CHSY3: variants seen among roughly 807,000 people sequenced by gnomAD.
CHSY3 encodes the protein chondroitin sulfate synthase 3.
A neutral mutation model predicts 67.2 loss-of-function variants in CHSY3; 35 were observed. The ratio of observed to expected loss-of-function variants is 0.52; its 90% CI spans 0.40 to 0.69. CHSY3 has a LOEUF of 0.69. CHSY3 is among the 30% of genes least tolerant of loss of function. The pLI, the probability that CHSY3 is intolerant of heterozygous loss-of-function variation, is 0.00. For synonymous variants in CHSY3, 474 were observed against 434.7 expected, an observed-to-expected ratio of 1.09 and a Z score of -1.12; for missense variants, 1,069 against 1,138.5, an observed-to-expected ratio of 0.94 and a Z score of 0.88.
At chr5:130,178,253 A>ATATATATATATATATT (rs1205782386) in intron 2 of CHSY3, among the ~76,000 whole-genome samples, 62 of 45,874 alleles carry the variant, frequency 1.4e-3, no homozygotes, top group Non-Finnish European at 2.0e-3. Flanking sequence ...ATATATATAT[A>ATATATATATATATATT]TTTTTTTTTT....
At chr5:130,103,370 C>T (rs1159144517) in intron 2 of CHSY3, among the ~76,000 whole-genome samples, 1 of 152,056 alleles carries the variant, frequency 6.6e-6, no homozygotes, top group Non-Finnish European at 1.5e-5. Context: ...TTATTTACTT[C>T]TGTGGCATTG....
At chr5:130,009,341 C>A (rs1763978676) in intron 2 of CHSY3, among the ~76,000 whole-genome samples, 1 of 152,038 alleles carries the variant, frequency 6.6e-6, no homozygotes, top group African/African-American at 2.4e-5. Flanking sequence ...AAAATTCCAA[C>A]CAAGAATTTC....
chr5:130,015,409 TA>T (rs1054823145), intron 2 of CHSY3, among the ~76,000 whole-genome samples: 6 of 151,566 alleles, frequency 4.0e-5, no homozygotes, highest in African/African-American at 2.4e-5. Context: ...AAAAACCTCA[TA>T]AAAAATGGGC....
intron 2 of CHSY3, among the ~76,000 whole-genome samples, chr5:130,166,470 A>G (rs1283273724): frequency 6.6e-6 from 1 of 152,150 alleles, no homozygotes; most frequent in Non-Finnish European, 1.5e-5. Flanking sequence ...AGTCTCCAGT[A>G]AGGATATATC....
At chr5:130,056,745 G>A (rs912997550) in intron 2 of CHSY3, among the ~76,000 whole-genome samples, 2 of 151,840 alleles carry the variant, frequency 1.3e-5, no homozygotes, top group African/African-American at 4.8e-5. Flanking sequence ...TGTGGTCTTG[G>A]GCAGGATTCT....
chr5:130,141,147 A>G (rs1024697609), intron 2 of CHSY3: 4 of 394,282 alleles, frequency 1.0e-5, no homozygotes, highest in Admixed American at 7.2e-5. Flanking sequence ...ACAGCTGTCC[A>G]GGCAGCCATC....
chr5:129,956,801 C>G (rs566890181), intron 2 of CHSY3, among the ~76,000 whole-genome samples: 1 of 151,890 alleles, frequency 6.6e-6, no homozygotes, highest in African/African-American at 2.4e-5. Context: ...TCTGGGCTCT[C>G]TATTCTGTTT....
chr5:130,141,330 G>A (rs1768859269), intron 2 of CHSY3: 1 of 385,142 alleles, frequency 2.6e-6, no homozygotes, highest in Non-Finnish European at 5.1e-6. Context: ...AACCAGCGTG[G>A]TGTGCTTATT....
At chr5:130,180,531 T>C (rs576102868) in intron 2 of CHSY3, among the ~76,000 whole-genome samples, 88 of 152,322 alleles carry the variant, frequency 5.8e-4, no homozygotes, top group African/African-American at 1.4e-3. Context: ...TTTTTGTTTT[T>C]TGTTTTTTGT....
At chr5:129,928,253 A>C (rs1026769160) in intron 2 of CHSY3, among the ~76,000 whole-genome samples, 1 of 137,424 alleles carries the variant, frequency 7.3e-6, no homozygotes, top group African/African-American at 2.7e-5. Flanking sequence ...TAGAGGGAGA[A>C]AATAAATTTT....
chr5:130,158,192 A>G (rs951737789), intron 2 of CHSY3, among the ~76,000 whole-genome samples: 1 of 152,156 alleles, frequency 6.6e-6, no homozygotes, highest in Non-Finnish European at 1.5e-5. Context: ...CTCACTGGGA[A>G]TGCAGTTCAG....
chr5:129,965,072 T>C (rs1204697764), intron 2 of CHSY3, among the ~76,000 whole-genome samples: 1 of 151,970 alleles, frequency 6.6e-6, no homozygotes, highest in Non-Finnish European at 1.5e-5. Context: ...TGGAATTTTC[T>C]TGGTTTGTGT....
At chr5:130,008,530 A>G (rs981892061) in intron 2 of CHSY3, among the ~76,000 whole-genome samples, 1 of 152,224 alleles carries the variant, frequency 6.6e-6, no homozygotes, top group Non-Finnish European at 1.5e-5. Flanking sequence ...ATGGAAAAGA[A>G]CTAGCACAGG....
intron 2 of CHSY3, among the ~76,000 whole-genome samples, chr5:129,962,311 C>G (rs1468393594): frequency 6.6e-6 from 1 of 151,950 alleles, no homozygotes; most frequent in African/African-American, 2.4e-5. Context: ...ATCTCCTCCT[C>G]TCTCCCTGAA....
chr5:130,149,895 TA>T (rs1769183208), intron 2 of CHSY3, among the ~76,000 whole-genome samples: 1 of 152,174 alleles, frequency 6.6e-6, no homozygotes, highest in African/African-American at 2.4e-5. Flanking sequence ...ATTCAGCCAT[TA>T]AAATGATGTT....
In CHSY3 at chr5:130,143,810, G is replaced by GTGTATATA. The variant is rs1469625551; in HGVS notation, c.1087-40418_1087-40417insGTATATAT. 1.7e-3 allele frequency among the ~76,000 whole-genome samples: 95 copies of GTGTATATA among 56,480 alleles called. 1 individual carries two copies. The highest frequency in any genetic ancestry group is 3.6e-3 in the South Asian group (4 of 1,106). The allele number at this position is 56,480 out of a possible 152,430, so 37.1% of individuals were successfully genotyped here. A position where few individuals can be genotyped will look rare whatever the true frequency, so the allele number is the denominator to read the frequency against. ...TATATATATATATATATATATGTGT[G>GTGTATATA]TATATATATATATATATATATATAT... On this transcript the variant is annotated intron_variant, in intron 2 of 2. Transcript: ENST00000305031.
At chr5:130,070,604 T>C (rs1251635571) in intron 2 of CHSY3, among the ~76,000 whole-genome samples, 1 of 152,152 alleles carries the variant, frequency 6.6e-6, no homozygotes, top group Non-Finnish European at 1.5e-5. Flanking sequence ...TAAATGCGAT[T>C]GGTTTTATCG....
rs575259855 is a variant in CHSY3 at position 130,148,742 on chromosome 5, G to T, written c.1087-35487G>T. On this transcript the variant is annotated intron_variant, in intron 2 of 2. Coordinates refer to ENST00000305031, the MANE Select transcript of CHSY3 (RefSeq NM_175856.5). ...TGTTCTTTGCCCGCTTTTTAATGGG[G>T]TTTTTTGTTTTTTTATTGTAAATTT... 1.4e-4 allele frequency among the ~76,000 whole-genome samples: 21 copies of T among 152,198 alleles called. No homozygotes were observed. In the East Asian group the frequency reaches 1.5e-3, roughly 11 times the overall value.
At chr5:129,941,559 T>C (rs1182442793) in intron 2 of CHSY3, among the ~76,000 whole-genome samples, 1 of 152,134 alleles carries the variant, frequency 6.6e-6, no homozygotes, top group Non-Finnish European at 1.5e-5. Context: ...ATTTAAATTT[T>C]CATACTATGA....
Sources: allele counts gnomAD v4.1 joint callset (sites outside exome capture counted in the v4.1 genomes callset), GRCh38; gene constraint gnomAD v4.1.1; transcripts MANE v1.5; gene names NCBI Gene and HGNC (gene_info 2026-07-23, HGNC 2026-07-21).